CDYL: variants seen among roughly 807,000 people sequenced by gnomAD.
CDYL encodes the protein chromodomain Y like.
CDYL carries 8 observed loss-of-function variants against 47.3 expected under a neutral mutation model. The observed-to-expected ratio is 0.17, with a 90% CI of 0.10 to 0.31. The LOEUF is 0.31. Among genes scored for constraint, CDYL ranks in the 10% least tolerant of loss-of-function variants. The pLI is 1.00. For missense variants in CDYL, 471 were observed against 701.4 expected, an observed-to-expected ratio of 0.67 and a Z score of 3.71; for synonymous variants, 266 against 265.0, an observed-to-expected ratio of 1.00 and a Z score of -0.04.
At chr6:4,756,442 A>G (rs1204328838) in intron 3 of CDYL, among the ~76,000 whole-genome samples, 1 of 152,018 alleles carries the variant, frequency 6.6e-6, no homozygotes, top group Non-Finnish European at 1.5e-5. Flanking sequence ...AAAATGTCCA[A>G]CTCAAGTCTC....
intron 3 of CDYL, among the ~76,000 whole-genome samples, chr6:4,752,546 A>G (rs989979454): frequency 6.6e-6 from 1 of 152,156 alleles, no homozygotes; most frequent in Non-Finnish European, 1.5e-5. Flanking sequence ...GGGCTCTCCT[A>G]ACACAAACGA....
intron 1 of CDYL, among the ~76,000 whole-genome samples, chr6:4,818,968 A>C (rs571893873): frequency 6.6e-6 from 1 of 152,124 alleles, no homozygotes; most frequent in South Asian, 2.1e-4. Context: ...TGTCACTGCT[A>C]TCCTCTCTGT....
intron 1 of CDYL, among the ~76,000 whole-genome samples, chr6:4,874,190 A>AT (rs946048025): frequency 1.7e-4 from 26 of 150,104 alleles, no homozygotes; most frequent in African/African-American, 2.4e-4. Context: ...GGCCATTTGT[A>AT]TTTTTTTTTC....
chr6:4,740,296 C>G (rs1757773886), intron 3 of CDYL, among the ~76,000 whole-genome samples: 1 of 152,192 alleles, frequency 6.6e-6, no homozygotes, highest in Non-Finnish European at 1.5e-5. Flanking sequence ...AGCCTCATGT[C>G]AAGCCGGTGC....
chr6:4,748,490 A>T (rs904762756), intron 3 of CDYL, among the ~76,000 whole-genome samples: 33 of 152,120 alleles, frequency 2.2e-4, no homozygotes, highest in Admixed American at 3.9e-4. Flanking sequence ...ACTGATAGCA[A>T]GACTTGGAAT....
At chr6:4,861,777 A>G (rs1761176964) in intron 1 of CDYL, among the ~76,000 whole-genome samples, 1 of 152,176 alleles carries the variant, frequency 6.6e-6, no homozygotes, top group Non-Finnish European at 1.5e-5. Context: ...GTCTCTTTAC[A>G]TGTGCTTGAT....
chr6:4,739,820 G>T (rs1187578714), intron 3 of CDYL, among the ~76,000 whole-genome samples: 1 of 151,994 alleles, frequency 6.6e-6, no homozygotes, highest in Non-Finnish European at 1.5e-5. Context: ...GGGCATGGTG[G>T]CGCATGCCTG....
intron 3 of CDYL, among the ~76,000 whole-genome samples, chr6:4,737,369 G>A (rs1031844976): frequency 2.1e-5 from 2 of 94,828 alleles, no homozygotes; most frequent in Non-Finnish European, 4.6e-5. Context: ...AAAATTAAAA[G>A]GGGCCAGGCG....
intron 3 of CDYL, among the ~76,000 whole-genome samples, chr6:4,743,162 T>C (rs1409955640): frequency 1.3e-5 from 2 of 152,204 alleles, no homozygotes; most frequent in East Asian, 3.8e-4. Context: ...TTGGGTGAGA[T>C]GGGAACACGC....
intron 2 of CDYL, among the ~76,000 whole-genome samples, chr6:4,893,522 G>A (rs1041319248): frequency 2.6e-5 from 4 of 152,128 alleles, no homozygotes; most frequent in East Asian, 1.9e-4. Context: ...GTGAAACCCC[G>A]TCTCTACTAA....
chr6:4,712,406 G>T (rs1305192600), intron 1 of CDYL, among the ~76,000 whole-genome samples: 3 of 152,238 alleles, frequency 2.0e-5, no homozygotes, highest in Non-Finnish European at 4.4e-5. Context: ...GGTAGAAAGG[G>T]TGACAGTGGC....
intron 1 of CDYL, among the ~76,000 whole-genome samples, chr6:4,847,991 A>G (rs1050258254): frequency 1.3e-5 from 2 of 152,226 alleles, no homozygotes; most frequent in African/African-American, 2.4e-5. Context: ...TTGCTTTCAC[A>G]TGTCCCATAA....
At chr6:4,726,030 C>T (rs1582285808) in intron 2 of CDYL, among the ~76,000 whole-genome samples, 1 of 152,072 alleles carries the variant, frequency 6.6e-6, no homozygotes, top group Non-Finnish European at 1.5e-5. Context: ...GGAGGAACAT[C>T]ACAGGAAATC....
intron 1 of CDYL, among the ~76,000 whole-genome samples, chr6:4,854,604 G>A (rs1017868604): frequency 1.3e-5 from 2 of 152,164 alleles, no homozygotes; most frequent in African/African-American, 4.8e-5. Context: ...TACACCACCT[G>A]GAATAAAATA....
intron 1 of CDYL, among the ~76,000 whole-genome samples, chr6:4,812,276 T>A (rs1759551462): frequency 6.6e-6 from 1 of 152,214 alleles, no homozygotes; most frequent in South Asian, 2.1e-4. Context: ...CTTTCTTAGT[T>A]GCTTCCTAAC....
At chr6:4,722,035 A>T (rs1183518080) in intron 2 of CDYL, among the ~76,000 whole-genome samples, 3 of 152,070 alleles carry the variant, frequency 2.0e-5, no homozygotes, top group Non-Finnish European at 4.4e-5. Flanking sequence ...TTGTATTTTT[A>T]GTAGAGACGG....
In CDYL at chr6:4,895,928, T is replaced by C. The variant is rs574820040; in HGVS notation, c.691+3549T>C. 5.3e-5 allele frequency among the ~76,000 whole-genome samples: 8 copies of C among 152,314 alleles called. No homozygotes were observed. The South Asian group carries it at 1.4e-3, about 28-fold the overall frequency. On this transcript the variant is annotated intron_variant, in intron 2 of 6. Coordinates refer to ENST00000397588, the MANE Select transcript of CDYL (RefSeq NM_004824.4). The stretch of plus-strand genomic sequence containing the variant: ...AAAGGGATGTGTAAGCATAGAATCT[T>C]AAATTATTTTACCTTGTTGTGCGGA...
intron 1 of CDYL, among the ~76,000 whole-genome samples, chr6:4,821,563 G>A (rs778715971): frequency 3.4e-4 from 52 of 151,918 alleles, no homozygotes; most frequent in African/African-American, 1.1e-3. Context: ...GTGAAACCCC[G>A]TCTCTACTAA....
rs138061648 is a variant in CDYL at position 4,719,392 on chromosome 6, C to T, written c.103+3511C>T. ...CACATTGTCCTTAAATTTAACATCACGTCATCTAAACTGTGGCCTCACCTT... is the reference window on the plus strand; with the variant it reads ...CACATTGTCCTTAAATTTAACATCATGTCATCTAAACTGTGGCCTCACCTT... On this transcript the variant is annotated intron_variant, in intron 2 of 8. Transcript: ENST00000328908. Among the ~76,000 whole-genome samples, 22 of 152,192 alleles carry T rather than the reference C, an allele frequency of 1.4e-4. No homozygotes were observed. In the East Asian group the frequency reaches 3.9e-3, roughly 27 times the overall value.
Sources: gnomAD v4.1 joint callset for allele counts (sites outside exome capture counted in the v4.1 genomes callset) on GRCh38, gnomAD v4.1.1 for gene constraint, MANE v1.5 for transcripts, NCBI Gene and HGNC (gene_info 2026-07-23, HGNC 2026-07-21) for gene names.